SLC39A12: variants seen among roughly 807,000 people sequenced by gnomAD.
SLC39A12 encodes the protein zinc transporter ZIP12.
In SLC39A12, 63 loss-of-function variants were observed where a neutral mutation model predicts 71.1. The ratio of observed to expected loss-of-function variants is 0.89; its 90% CI spans 0.72 to 1.09. The LOEUF (loss-of-function observed/expected upper bound fraction) is 1.09, where lower values mean the gene tolerates loss of function less well. Ranked by LOEUF, SLC39A12 falls within the 50% of genes least tolerant of loss-of-function variation. The pLI is 0.00. For synonymous variants in SLC39A12, 351 were observed against 301.3 expected, an observed-to-expected ratio of 1.16 and a Z score of -1.71; for missense variants, 892 against 812.6, an observed-to-expected ratio of 1.10 and a Z score of -1.19.
At chr10:18,012,114 G>A (rs1268048469) in intron 12 of SLC39A12, among the ~76,000 whole-genome samples, 3 of 152,176 alleles carry the variant, frequency 2.0e-5, no homozygotes, top group Non-Finnish European at 4.4e-5. Context: ...GATTTCAGGA[G>A]ATTCTTGAGT....
At chr10:17,969,555 C>A (rs1834917720) in intron 4 of SLC39A12, among the ~76,000 whole-genome samples, 3 of 152,036 alleles carry the variant, frequency 2.0e-5, no homozygotes, top group South Asian at 2.1e-4. Flanking sequence ...CATTGAGCAC[C>A]TTTTCATATT....
intron 12 of SLC39A12, among the ~76,000 whole-genome samples, chr10:18,033,708 G>T (rs1207746928): frequency 3.6e-5 from 5 of 137,486 alleles, no homozygotes; most frequent in East Asian, 2.2e-4. Context: ...GAATGTGTTT[G>T]CTCTTGCTTT....
At chr10:18,005,272 C>T (rs1444547553) in intron 12 of SLC39A12, 1 of 152,116 alleles carries the variant, frequency 6.6e-6, no homozygotes, top group African/African-American at 2.4e-5. Context: ...ATCCCCCAAC[C>T]TGAGGTCAAT....
chr10:18,007,593 C>T (rs1018756162), intron 12 of SLC39A12, among the ~76,000 whole-genome samples: 4 of 152,210 alleles, frequency 2.6e-5, no homozygotes, highest in African/African-American at 9.6e-5. Flanking sequence ...ATAGACAGAG[C>T]AACCCCATTG....
At position 17,961,592 on chromosome 10, in the gene SLC39A12, A is replaced by G. The variant is rs782719214; in HGVS notation, c.273A>G (p.Pro91=). 89 of 1,611,522 alleles carry G rather than the reference A, an allele frequency of 5.5e-5. No individual in the cohort carries two copies. In the East Asian group the frequency reaches 1.9e-3, roughly 35 times the overall value. ...MQGDCNLCFE[P]DALLLIAGGN... is the part of the protein sequence containing the mutation. ...GTTTTCTTCCACAGTGCTTTGAACC[A>G]GATGCACTATTACTAATAGCTGGAG... Residue 91 remains proline (P), a synonymous_variant, in exon 3 of 13, where the codon CCA becomes CCG. Coordinates refer to ENST00000377369, the MANE Select transcript of SLC39A12 (RefSeq NM_001145195.2).
chr10:18,000,078 A>G (rs913909712), intron 10 of SLC39A12, among the ~76,000 whole-genome samples: 1 of 152,194 alleles, frequency 6.6e-6, no homozygotes, highest in African/African-American at 2.4e-5. Flanking sequence ...TGGAGCCTAG[A>G]AGTCCAAGAT....
At chr10:17,996,773 A>G (rs2497758) in intron 10 of SLC39A12, among the ~76,000 whole-genome samples, 139,226 of 151,842 alleles carry the variant, frequency 0.92, 63,990 homozygotes, top group African/African-American at 0.98. Context: ...CGAGGCGGGC[A>G]GATCACGAGG....
intron 12 of SLC39A12, among the ~76,000 whole-genome samples, chr10:18,018,970 T>C (rs1379986541): frequency 1.3e-5 from 2 of 152,116 alleles, no homozygotes; most frequent in Non-Finnish European, 2.9e-5. Flanking sequence ...ATTGGTAAAA[T>C]TTTTTCCTAA....
intron 12 of SLC39A12, among the ~76,000 whole-genome samples, chr10:18,036,790 ATATAT>A (rs1837056917): frequency 4.3e-5 from 3 of 69,230 alleles, no homozygotes; most frequent in South Asian, 6.1e-4. Context: ...ATATATATAT[ATATAT>A]TTTTTTTTTT....
chr10:18,019,062 T>A (rs370273500), intron 12 of SLC39A12, among the ~76,000 whole-genome samples: 30 of 152,236 alleles, frequency 2.0e-4, no homozygotes, highest in African/African-American at 6.7e-4. Flanking sequence ...TAATTCAAAT[T>A]CTTATTTGAA....
intron 12 of SLC39A12, among the ~76,000 whole-genome samples, chr10:18,008,863 G>T (rs895351635): frequency 5.9e-5 from 9 of 151,648 alleles, no homozygotes; most frequent in African/African-American, 1.9e-4. Flanking sequence ...ATCTCATTTT[G>T]TCTGAGAGCT....
At chr10:18,012,269 A>G (rs997844455) in intron 12 of SLC39A12, among the ~76,000 whole-genome samples, 36 of 152,234 alleles carry the variant, frequency 2.4e-4, no homozygotes, top group African/African-American at 8.7e-4. Context: ...CAAGATAGCC[A>G]TAACCAAACT....
intron 12 of SLC39A12, among the ~76,000 whole-genome samples, chr10:18,020,736 T>C (rs1836511080): frequency 6.6e-6 from 1 of 152,186 alleles, no homozygotes; most frequent in African/African-American, 2.4e-5. Context: ...TAGAGCATTT[T>C]TTCATATGCT....
At chr10:17,995,923 T>C (rs1835672114) in intron 10 of SLC39A12, among the ~76,000 whole-genome samples, 1 of 152,264 alleles carries the variant, frequency 6.6e-6, no homozygotes, top group African/African-American at 2.4e-5. Context: ...ATTTTACTCC[T>C]TCCTTTAAAA....
intron 4 of SLC39A12, among the ~76,000 whole-genome samples, chr10:17,971,953 G>A (rs978413652): frequency 8.6e-5 from 13 of 151,832 alleles, no homozygotes; most frequent in Admixed American, 6.6e-4. Context: ...CCTCTTTTTC[G>A]ATGTAGGCAC....
intron 10 of SLC39A12, among the ~76,000 whole-genome samples, chr10:17,998,303 A>ATC (rs397748394): frequency 6.6e-6 from 1 of 151,886 alleles, no homozygotes; most frequent in Non-Finnish European, 1.5e-5. Flanking sequence ...AGCAGAGTGT[A>ATC]ATATTGGCTA....
chr10:17,977,045 T>A (rs1022867617), intron 4 of SLC39A12, among the ~76,000 whole-genome samples: 2 of 152,162 alleles, frequency 1.3e-5, no homozygotes, highest in African/African-American at 4.8e-5. Context: ...GTTCAGTGAT[T>A]TTTTTCTTCT....
At chr10:18,022,609 A>G (rs1384869497) in intron 12 of SLC39A12, among the ~76,000 whole-genome samples, 1 of 152,188 alleles carries the variant, frequency 6.6e-6, no homozygotes, top group Non-Finnish European at 1.5e-5. Context: ...GTTGCTATCC[A>G]GATTCTCAAT....
At position 17,995,691 on chromosome 10, in the gene SLC39A12, T is replaced by A; in HGVS notation, c.1569T>A (p.Pro523=). The change falls in exon 10 of 13, where the codon CCT becomes CCA. Residue 523 remains proline, a synonymous_variant. Transcript: ENST00000377369. Reference sequence around the variant, plus strand: ...AAGATTCACAGGCAGCTGAAATGCCTATAGGCAGTATGACAGCCTCCAACA... The same window carrying A: ...AAGATTCACAGGCAGCTGAAATGCCAATAGGCAGTATGACAGCCTCCAACA... ...SPEDSQAAEM[P]IGSMTASNRK... is the part of the protein sequence containing the mutation. The A allele has an allele frequency of 6.2e-7, 1 of 1,613,548 alleles. No homozygotes were observed. The highest frequency in any genetic ancestry group is 8.5e-7 in the Non-Finnish European group (1 of 1,179,810).
Sources: gnomAD v4.1 joint callset for allele counts (sites outside exome capture counted in the v4.1 genomes callset) on GRCh38, gnomAD v4.1.1 for gene constraint, MANE v1.5 for transcripts, NCBI Gene and HGNC (gene_info 2026-07-23, HGNC 2026-07-21) for gene names.